The following SLIT3 variants were observed in gnomAD, a reference collection of about 807,000 sequenced individuals.
SLIT3 encodes slit guidance ligand 3.
A neutral mutation model predicts 184.0 loss-of-function variants in SLIT3; 68 were observed. The ratio of observed to expected loss-of-function variants is 0.37; its 90% CI spans 0.30 to 0.45. SLIT3 has a LOEUF of 0.45. SLIT3 is among the 20% of genes least tolerant of loss of function. The probability of loss-of-function intolerance (pLI) is 1.00; values close to 1 mark genes in which losing one functional copy is unlikely to be tolerated. For missense variants in SLIT3, 1,707 were observed against 2,026.0 expected, an observed-to-expected ratio of 0.84 and a Z score of 3.02; for synonymous variants, 831 against 828.6, an observed-to-expected ratio of 1.00 and a Z score of -0.05.
intron 4 of SLIT3, among the ~76,000 whole-genome samples, chr5:169,135,530 C>T (rs979188610): frequency 1.1e-4 from 17 of 151,936 alleles, no homozygotes; most frequent in African/African-American, 4.1e-4. Context: ...CTAGCAGGAA[C>T]ACAGAAACAA....
At chr5:169,192,748 C>T (rs1763598077) in intron 4 of SLIT3, among the ~76,000 whole-genome samples, 1 of 152,144 alleles carries the variant, frequency 6.6e-6, no homozygotes, top group Non-Finnish European at 1.5e-5. Flanking sequence ...CAGTACACCC[C>T]ATGAACTGAG....
At chr5:169,162,110 GA>G (rs1377001464) in intron 4 of SLIT3, among the ~76,000 whole-genome samples, 2 of 152,170 alleles carry the variant, frequency 1.3e-5, no homozygotes. Flanking sequence ...GGTGCTACTG[GA>G]TCCTTGAGAG....
chr5:168,878,900 A>C (rs1198298096), intron 5 of SLIT3, among the ~76,000 whole-genome samples: 1 of 152,108 alleles, frequency 6.6e-6, no homozygotes, highest in African/African-American at 2.4e-5. Context: ...TTTTTAGTAC[A>C]GATGGGGTTT....
rs1034098771 is a variant in SLIT3 at position 168,662,956 on chromosome 5, T to C, written c.*3498A>G. ...CTCATTTCGGGGAGAATTTTCTTAA[T>C]GGTCCTTGCATTTGGCATTTCTTAA... On this transcript the variant is annotated 3_prime_UTR_variant, in exon 36 of 36. Transcript: ENST00000519560. 30 of 152,408 alleles carry C rather than the reference T, an allele frequency of 2.0e-4. No individual in the cohort carries two copies. The highest frequency in any genetic ancestry group is 7.2e-4 in the African/African-American group (30 of 41,586). 9.4% of individuals were successfully genotyped at this position (152,408 alleles called of 1,614,324 possible). A position where few individuals can be genotyped will look rare whatever the true frequency, so the allele number is the denominator to read the frequency against.
chr5:168,972,848 C>G (rs1264388123), intron 4 of SLIT3, among the ~76,000 whole-genome samples: 6 of 152,218 alleles, frequency 3.9e-5, no homozygotes, highest in East Asian at 1.9e-4. Flanking sequence ...TCTACTCTCT[C>G]CTTCTGTTCG....
At chr5:169,062,466 A>G (rs978723121) in intron 4 of SLIT3, among the ~76,000 whole-genome samples, 1 of 152,202 alleles carries the variant, frequency 6.6e-6, no homozygotes, top group African/African-American at 2.4e-5. Context: ...CCTTGGCCCT[A>G]GAAGGCCTGG....
intron 4 of SLIT3, among the ~76,000 whole-genome samples, chr5:169,131,217 CAT>C (rs1761283452): frequency 6.6e-6 from 1 of 152,208 alleles, no homozygotes; most frequent in Non-Finnish European, 1.5e-5. Context: ...AATAGTAAAA[CAT>C]ACGAAAATCT....
At chr5:168,884,024 T>A (rs62377160) in intron 4 of SLIT3, among the ~76,000 whole-genome samples, 1 of 152,034 alleles carries the variant, frequency 6.6e-6, no homozygotes, top group African/African-American at 2.4e-5. Flanking sequence ...AGTGTCAGGT[T>A]CTACAGCTGG....
intron 4 of SLIT3, among the ~76,000 whole-genome samples, chr5:168,918,700 CTT>C (rs2113114549): frequency 6.6e-6 from 1 of 152,284 alleles, no homozygotes; most frequent in Non-Finnish European, 1.5e-5. Flanking sequence ...AGAGATTGCT[CTT>C]CTTAAAGTTC....
Position 168,901,980 on chromosome 5 carries a change from C to T in SLIT3, c.414-18644G>A, listed in dbSNP as rs150421926. ...GCAGTGGCGCGATCTCGGCTCACTG[C>T]AACCTCTGCCTCCCAGGTTCAAGTG... On this transcript the variant is annotated intron_variant, in intron 4 of 35. Transcript: ENST00000519560. Among the ~76,000 whole-genome samples, 1,431 of 152,322 alleles carry T rather than the reference C, an allele frequency of 9.4e-3. 21 individuals carry two copies. The highest frequency in any genetic ancestry group is 0.032 in the African/African-American group (1,345 of 41,572).
chr5:168,709,886 G>C (rs902709983), intron 25 of SLIT3, among the ~76,000 whole-genome samples: 1 of 151,770 alleles, frequency 6.6e-6, no homozygotes, highest in East Asian at 1.9e-4. Flanking sequence ...AAAATAATGA[G>C]AGTCTAATGA....
chr5:169,160,267 A>G lies in SLIT3; in HGVS notation c.413+33212T>C, dbSNP rs1344735118. Among the ~76,000 whole-genome samples, 5 of 152,208 alleles carry G rather than the reference A, an allele frequency of 3.3e-5. No homozygotes were observed. The East Asian group carries it at 9.6e-4, about 29-fold the overall frequency. On this transcript the variant is annotated intron_variant, in intron 4 of 35. Transcript: ENST00000519560. ...GACACTACTATTATCTTCCTTTTATAATGAGAAAATTACTGCTCAGAGAAG... is the reference window on the plus strand; with the variant it reads ...GACACTACTATTATCTTCCTTTTATGATGAGAAAATTACTGCTCAGAGAAG...
At chr5:168,869,106 T>A (rs73802404) in intron 5 of SLIT3, among the ~76,000 whole-genome samples, 10,936 of 152,302 alleles carry the variant, frequency 0.072, 914 homozygotes, top group African/African-American at 0.21. Flanking sequence ...GTGTTAACAC[T>A]TTTAATTTCT....
intron 1 of SLIT3, among the ~76,000 whole-genome samples, chr5:169,283,315 G>T (rs1449360883): frequency 6.6e-6 from 1 of 152,210 alleles, no homozygotes; most frequent in African/African-American, 2.4e-5. Flanking sequence ...CTTAAGAACA[G>T]GTCTTGGCGG....
chr5:169,255,432 C>T (rs566697594), intron 1 of SLIT3, among the ~76,000 whole-genome samples: 4 of 151,726 alleles, frequency 2.6e-5, no homozygotes, highest in African/African-American at 4.8e-5. Context: ...GGCTAATGTG[C>T]GTGCTTGTGT....
At chr5:168,990,762 T>TA (rs1755292932) in intron 4 of SLIT3, among the ~76,000 whole-genome samples, 2 of 152,158 alleles carry the variant, frequency 1.3e-5, no homozygotes, top group South Asian at 4.1e-4. Context: ...GGTGGGTTAG[T>TA]AATGTCCCTC....
chr5:168,791,033 C>T (rs1448193504), intron 10 of SLIT3: 6 of 152,234 alleles, frequency 3.9e-5, no homozygotes, highest in Non-Finnish European at 7.3e-5. Context: ...CTCACAAACT[C>T]GTCAGCTTAC....
intron 14 of SLIT3, among the ~76,000 whole-genome samples, chr5:168,763,660 T>C (rs1264809959): frequency 6.6e-6 from 1 of 152,192 alleles, no homozygotes; most frequent in East Asian, 1.9e-4. Context: ...TGATCACAAA[T>C]GATCCCTGGG....
At chr5:169,075,163 C>T (rs1316422948) in intron 4 of SLIT3, among the ~76,000 whole-genome samples, 1 of 151,466 alleles carries the variant, frequency 6.6e-6, no homozygotes, top group Non-Finnish European at 1.5e-5. Flanking sequence ...ATTGTCTTCT[C>T]CTTGTTCTAA....
Sources: allele counts gnomAD v4.1 joint callset (sites outside exome capture counted in the v4.1 genomes callset), GRCh38; gene constraint gnomAD v4.1.1; transcripts MANE v1.5; gene names NCBI Gene and HGNC (gene_info 2026-07-23, HGNC 2026-07-21).